IQCH: variants seen among roughly 807,000 people sequenced by gnomAD.
IQCH encodes IQ motif containing H, also known as IQ domain-containing protein H.
Under a neutral mutation model 117.0 loss-of-function variants are expected in IQCH, and 98 were observed. The ratio of observed to expected loss-of-function variants is 0.84; its 90% CI spans 0.71 to 0.99. The LOEUF is 0.99. IQCH is among the 50% of genes least tolerant of loss of function. The pLI is 0.00. For missense variants in IQCH, 1,102 were observed against 1,243.8 expected (o/e 0.89, Z 1.72); for synonymous variants, 412 against 448.2 (o/e 0.92, Z 1.02).
intron 14 of IQCH, among the ~76,000 whole-genome samples, chr15:67,415,028 A>C (rs1022887239): frequency 7.2e-5 from 11 of 152,168 alleles, no homozygotes; most frequent in Admixed American, 7.2e-4. Flanking sequence ...AATCAGAGAC[A>C]GTTGGTCTTC....
intron 18 of IQCH, among the ~76,000 whole-genome samples, chr15:67,483,523 A>T (rs923436055): frequency 6.6e-6 from 1 of 152,130 alleles, no homozygotes; most frequent in African/African-American, 2.4e-5. Flanking sequence ...TCTCTAAAAA[A>T]ATTAAAGAAA....
chr15:67,351,125 A>G (rs1250553804), intron 6 of IQCH, among the ~76,000 whole-genome samples: 1 of 152,124 alleles, frequency 6.6e-6, no homozygotes, highest in Non-Finnish European at 1.5e-5. Flanking sequence ...CTGAACGTGC[A>G]GGTTTGTTAC....
At position 67,359,810 on chromosome 15, in the gene IQCH, CG is replaced by C; in HGVS notation, c.715-36del. 1 of 1,558,368 alleles carries C rather than the reference CG, an allele frequency of 6.4e-7. No homozygotes were observed. On this transcript the variant is annotated intron_variant, in intron 7 of 20. Coordinates refer to ENST00000335894, the MANE Select transcript of IQCH (RefSeq NM_001031715.3). The surrounding 1 kb of genome is among the most constrained non-coding windows in gnomAD (Gnocchi z 4.5). ...GTTTTGTAAAATTGCCCATGAGAGTCGTTTTGATTTAAACTGTGTCTCATTC... is the reference window on the plus strand; with the variant it reads ...GTTTTGTAAAATTGCCCATGAGAGTCTTTTGATTTAAACTGTGTCTCATTC...
In IQCH at chr15:67,385,927, T is replaced by C. The variant is rs1398820402; in HGVS notation, c.1456+908T>C. Among the ~76,000 whole-genome samples the C allele has an allele frequency of 3.3e-5, 5 of 152,176 alleles. No individual in the cohort carries two copies. Among genetic ancestry groups the C allele is most frequent in the African/African-American group, 4.8e-5 (2 of 41,450 alleles). On this transcript the variant is annotated intron_variant, in intron 11 of 20. Coordinates refer to ENST00000335894, the MANE Select transcript of IQCH (RefSeq NM_001031715.3). This position sits in a 1 kb window ranked among gnomAD's most constrained non-coding sequence, Gnocchi z 4.6. ...ACTGGCTCCCTGGAATGACATGCTT[T>C]ACATGATTCATATATATTTCAGCAT...
Position 67,451,089 on chromosome 15 carries a change from T to C in IQCH, c.2506-14038T>C, listed in dbSNP as rs2082513104. ...GTGATATCCCCTTTATCATTTTTTA[T>C]TGCGTCCATTTGATTCTTCTCTCTC... On this transcript the variant is annotated intron_variant, in intron 16 of 20. Coordinates refer to ENST00000335894, the MANE Select transcript of IQCH (RefSeq NM_001031715.3). Among the ~76,000 whole-genome samples, 3 of 152,374 alleles carry C rather than the reference T, an allele frequency of 2.0e-5. 1 individual carries two copies. The South Asian group carries it at 6.2e-4, about 32-fold the overall frequency.
rs1970744552 is a variant in IQCH at position 67,376,587 on chromosome 15, CCCTT to C, written c.1372+3156_1372+3159del. Among the ~76,000 whole-genome samples the C allele has an allele frequency of 6.6e-6, 1 of 152,102 alleles. No individual in the cohort carries two copies. The highest frequency in any genetic ancestry group is 2.4e-5 in the African/African-American group (1 of 41,400). On this transcript the variant is annotated intron_variant, in intron 10 of 20. Coordinates refer to ENST00000335894, the MANE Select transcript of IQCH (RefSeq NM_001031715.3). The surrounding 1 kb of genome is among the most constrained non-coding windows in gnomAD (Gnocchi z 5.0). Reference sequence around the variant, plus strand: ...TTGGGGCTGCACTAACTTGTTTGAACCCTTCAAATGAAAGCTAAGTAGTTGATAA... The same window carrying C: ...TTGGGGCTGCACTAACTTGTTTGAACCAAATGAAAGCTAAGTAGTTGATAA...
In IQCH at chr15:67,445,847, A is replaced by G. The variant is rs2082379201; in HGVS notation, c.2506-19280A>G. On this transcript the variant is annotated intron_variant, in intron 16 of 20. Coordinates refer to ENST00000335894, the MANE Select transcript of IQCH (RefSeq NM_001031715.3). This position sits in a 1 kb window ranked among gnomAD's most constrained non-coding sequence, Gnocchi z 4.3. ...TCAGGAACCAATAGAAGTCCAAATA[A>G]TGCAACAAAATTCACCTCCCATACA... is the stretch of plus-strand genomic sequence containing the variant. 6.6e-6 allele frequency among the ~76,000 whole-genome samples: 1 copy of G among 152,202 alleles called. No homozygotes were observed. Among genetic ancestry groups the G allele is most frequent in the Non-Finnish European group, 1.5e-5 (1 of 68,044 alleles).
At chr15:67,270,780 T>C (rs531179290) in intron 3 of IQCH, among the ~76,000 whole-genome samples, 1 of 152,256 alleles carries the variant, frequency 6.6e-6, no homozygotes, top group East Asian at 1.9e-4. Flanking sequence ...GCCAAATAAA[T>C]CTGTTTTTAA....
rs547371982 is a variant in IQCH, at chr15:67,497,740, T to G, written c.2971-2893T>G. Among the ~76,000 whole-genome samples the G allele has an allele frequency of 5.9e-5, 9 of 152,308 alleles. No homozygotes were observed. In the South Asian group the frequency reaches 1.9e-3, roughly 32 times the overall value. The stretch of plus-strand genomic sequence containing the variant: ...CTCCTGACCTCGTGATCCGCCCGCC[T>G]CGGCCTCCCAAAGTGCTGGGATTAC... On this transcript the variant is annotated intron_variant, in intron 20 of 20. Coordinates refer to ENST00000335894, the MANE Select transcript of IQCH (RefSeq NM_001031715.3).
Position 67,384,669 on chromosome 15 carries a change from G to T in IQCH, c.1373-267G>T, listed in dbSNP as rs1310436796. On this transcript the variant is annotated intron_variant, in intron 10 of 20. Coordinates refer to ENST00000335894, the MANE Select transcript of IQCH (RefSeq NM_001031715.3). The surrounding 1 kb of genome is among the most constrained non-coding windows in gnomAD (Gnocchi z 4.3). Reference sequence around the variant, plus strand: ...ATGTCAGAAATTTTCTCCATGTTTTGTCATCTTGATTCTTAGCAGCCTTGT... The same window carrying T: ...ATGTCAGAAATTTTCTCCATGTTTTTTCATCTTGATTCTTAGCAGCCTTGT... 6.6e-6 allele frequency among the ~76,000 whole-genome samples: 1 copy of T among 151,566 alleles called. No homozygotes were observed. Among genetic ancestry groups the T allele is most frequent in the East Asian group, 1.9e-4 (1 of 5,180 alleles).
intron 13 of IQCH, among the ~76,000 whole-genome samples, 160 bp from the exon 14 acceptor site, chr15:67,399,954 T>G (rs886509275): frequency 3.9e-5 from 6 of 152,354 alleles, no homozygotes; most frequent in South Asian, 4.2e-4. Context: ...TTTATATCAC[T>G]TTAAACTTCT....
At chr15:67,442,863 G>GATAGATAGATA (rs1555499849) in intron 16 of IQCH, among the ~76,000 whole-genome samples, 88 of 115,920 alleles carry the variant, frequency 7.6e-4, no homozygotes, top group African/African-American at 2.9e-3. Flanking sequence ...TAGATAGATA[G>GATAGATAGATA]ATATACATAT....
intron 6 of IQCH, 43 bp from the exon 7 acceptor site, chr15:67,357,302 C>G: frequency 7.4e-7 from 1 of 1,355,034 alleles, no homozygotes; most frequent in South Asian, 1.2e-5. Flanking sequence ...GTGACTCAGC[C>G]TCTTCTTCTG....
At chr15:67,297,716 C>T (rs1198993480) in intron 4 of IQCH, among the ~76,000 whole-genome samples, 1 of 152,134 alleles carries the variant, frequency 6.6e-6, no homozygotes, top group African/African-American at 2.4e-5. Flanking sequence ...AAACAAGGTC[C>T]ACACATTATA....
intron 4 of IQCH, chr15:67,304,450 G>A: frequency 4.1e-6 from 6 of 1,468,178 alleles, no homozygotes; most frequent in Admixed American, 4.0e-5. Flanking sequence ...TCAGAGAAAA[G>A]CATGTGTAAG....
intron 16 of IQCH, among the ~76,000 whole-genome samples, chr15:67,438,177 C>T (rs547134287): frequency 6.6e-6 from 1 of 152,198 alleles, no homozygotes; most frequent in African/African-American, 2.4e-5. Flanking sequence ...TAAAGGAAAA[C>T]CTATCAGGTT....
chr15:67,476,341 G>A lies in IQCH; in HGVS notation c.2799+523G>A, dbSNP rs193080965. On this transcript the variant is annotated intron_variant, in intron 18 of 20. Coordinates refer to ENST00000335894, the MANE Select transcript of IQCH (RefSeq NM_001031715.3). This position sits in a 1 kb window ranked among gnomAD's most constrained non-coding sequence, Gnocchi z 4.1. ...GGCTTGTAAATGGCTGCCTCCTTGCGGTGTCCTCACATATGGAAGGAGAGA... is the reference window on the plus strand; with the variant it reads ...GGCTTGTAAATGGCTGCCTCCTTGCAGTGTCCTCACATATGGAAGGAGAGA... 2.6e-4 allele frequency among the ~76,000 whole-genome samples: 39 copies of A among 152,302 alleles called. No individual in the cohort carries two copies. Among genetic ancestry groups the A allele is most frequent in the Non-Finnish European group, 3.4e-4 (23 of 68,020 alleles).
chr15:67,449,864 A>G, intron 16 of IQCH, among the ~76,000 whole-genome samples: 1 of 152,168 alleles, frequency 6.6e-6, no homozygotes, highest in Middle Eastern at 3.2e-3. Context: ...TGAGCATGGA[A>G]TGTTCTTCCA....
At position 67,372,725 on chromosome 15, in the gene IQCH, T is replaced by C. The variant is rs572956099; in HGVS notation, c.1305+63T>C. The C allele has an allele frequency of 4.0e-4, 542 of 1,368,514 alleles. 12 individuals are homozygous for C. The South Asian group carries it at 7.1e-3, about 18-fold the overall frequency. The allele number at this position is 1,368,514 out of a possible 1,614,324, so 84.8% of individuals were successfully genotyped here. On this transcript the variant is annotated intron_variant, in intron 9 of 20. Coordinates refer to ENST00000335894, the MANE Select transcript of IQCH (RefSeq NM_001031715.3). ...TTCTAAACATTTCGTGCTTGAGCGG[T>C]TGTAATAAGTTGTCTCTATCTTCCC... is the stretch of plus-strand genomic sequence containing the variant.
Sources: gnomAD v4.1 joint callset for allele counts (sites outside exome capture counted in the v4.1 genomes callset) on GRCh38, gnomAD v4.1.1 for gene constraint, Gnocchi (gnomAD v3.1) non-coding constraint, MANE v1.5 for transcripts, NCBI Gene and HGNC (gene_info 2026-07-23, HGNC 2026-07-21) for gene names.